The following SGPP1 variants were observed in gnomAD, a reference collection of about 807,000 sequenced individuals.
SGPP1 encodes sphingosine-1-phosphate phosphatase 1.
Under a neutral mutation model 33.0 loss-of-function variants are expected in SGPP1, and 21 were observed. The ratio of observed to expected loss-of-function variants is 0.64; its 90% CI spans 0.45 to 0.92. The LOEUF (loss-of-function observed/expected upper bound fraction) is 0.92. SGPP1 is among the 40% of genes least tolerant of loss of function. SGPP1 has a pLI of 0.00. For missense variants in SGPP1, 543 were observed against 589.4 expected, an observed-to-expected ratio of 0.92 and a Z score of 0.81; for synonymous variants, 239 against 241.2, an observed-to-expected ratio of 0.99 and a Z score of 0.08.
Position 63,727,663 on chromosome 14 carries a change from C to G in SGPP1, c.282G>C (p.Ala94=). 1 of 1,340,766 alleles carries G rather than the reference C, an allele frequency of 7.5e-7. No individual in the cohort carries two copies. Among genetic ancestry groups the G allele is most frequent in the South Asian group, 1.9e-5 (1 of 52,552 alleles). 83.1% of individuals were successfully genotyped at this position (1,340,766 alleles called of 1,614,324 possible). Reference sequence around the variant, plus strand: ...GCGGCGAGGCCGGGCCCAGCTCGGCCGCCAGCCCGTTCCGCACGCCGTTGG... The same window carrying G: ...GCGGCGAGGCCGGGCCCAGCTCGGCGGCCAGCCCGTTCCGCACGCCGTTGG... ...GAPNGVRNGL[A]AELGPASPRR... is the part of the protein sequence containing the mutation. Residue 94 remains alanine, a synonymous_variant, in exon 1 of 3, where the codon GCG becomes GCC. Coordinates refer to ENST00000247225, the MANE Select transcript of SGPP1 (RefSeq NM_030791.4).
rs953264570 is a variant in SGPP1 at position 63,728,048 on chromosome 14, C to G, written c.-104G>C. 7.5e-6 allele frequency: 9 copies of G among 1,195,396 alleles called. No individual in the cohort carries two copies. The highest frequency in any genetic ancestry group is 8.6e-5 in the Admixed American group (2 of 23,268). The allele number at this position is 1,195,396 out of a possible 1,614,324, so 74.0% of individuals were successfully genotyped here. A position where few individuals can be genotyped will look rare whatever the true frequency, so the allele number is the denominator to read the frequency against. On this transcript the variant is annotated 5_prime_UTR_variant, in exon 1 of 3. Coordinates refer to ENST00000247225, the MANE Select transcript of SGPP1 (RefSeq NM_030791.4). ...GGAACCGGCACAGCGCTCTACCCTCCGGAGTCTGCCGGGTGACGGCGCCAC... is the reference window on the plus strand; with the variant it reads ...GGAACCGGCACAGCGCTCTACCCTCGGGAGTCTGCCGGGTGACGGCGCCAC...
intron 1 of SGPP1, among the ~76,000 whole-genome samples, chr14:63,710,456 C>A (rs1566822857): frequency 6.6e-6 from 1 of 151,950 alleles, no homozygotes; most frequent in Admixed American, 6.6e-5. Flanking sequence ...GAACTCCAAA[C>A]ATGTAAATAA....
chr14:63,721,631 T>C (rs1595073707), intron 1 of SGPP1, among the ~76,000 whole-genome samples: 1 of 152,366 alleles, frequency 6.6e-6, no homozygotes, highest in East Asian at 1.9e-4. Flanking sequence ...TGGTCTTTAC[T>C]GTGACCTACT....
chr14:63,727,672 G>A lies in SGPP1; in HGVS notation c.273C>T (p.Asn91=), dbSNP rs747326422. Residue 91 remains asparagine (N), a synonymous_variant, in exon 1 of 3, where the codon AAC becomes AAT. Transcript: ENST00000247225. The part of the protein sequence containing the change: ...DGGGAPNGVR[N]GLAAELGPAS... ...CCGGGCCCAGCTCGGCCGCCAGCCC[G>A]TTCCGCACGCCGTTGGGGGCGCCGC... The A allele has an allele frequency of 2.0e-5, 27 of 1,336,884 alleles. No homozygotes were observed. Among genetic ancestry groups the A allele is most frequent in the East Asian group, 9.3e-5 (3 of 32,218 alleles). 82.8% of individuals were successfully genotyped at this position (1,336,884 alleles called of 1,614,324 possible). A position where few individuals can be genotyped will look rare whatever the true frequency, so the allele number is the denominator to read the frequency against.
chr14:63,720,711 G>A (rs1018756833), intron 1 of SGPP1, among the ~76,000 whole-genome samples: 9 of 152,128 alleles, frequency 5.9e-5, no homozygotes, highest in Admixed American at 5.9e-4. Context: ...GGTGAGCCAA[G>A]GTCGCACCAT....
intron 2 of SGPP1, among the ~76,000 whole-genome samples, chr14:63,693,297 T>G (rs1391188416): frequency 6.6e-6 from 1 of 152,234 alleles, no homozygotes; most frequent in Admixed American, 6.5e-5. Flanking sequence ...ACATTCCCTT[T>G]GTTTGCTATC....
At chr14:63,689,045 T>C (rs1885041799) in intron 2 of SGPP1, among the ~76,000 whole-genome samples, 1 of 152,206 alleles carries the variant, frequency 6.6e-6, no homozygotes, top group African/African-American at 2.4e-5. Flanking sequence ...CAATATTCAA[T>C]ACAGTTAAGC....
At chr14:63,725,337 G>A (rs569013686) in intron 1 of SGPP1, among the ~76,000 whole-genome samples, 1 of 152,336 alleles carries the variant, frequency 6.6e-6, no homozygotes, top group South Asian at 2.1e-4. Context: ...CTGCACCACT[G>A]CACTCCAGCC....
intron 1 of SGPP1, among the ~76,000 whole-genome samples, chr14:63,718,795 TG>T (rs1394860807): frequency 1.3e-5 from 2 of 149,632 alleles, no homozygotes; most frequent in African/African-American, 4.9e-5. Context: ...ATAATCTAAG[TG>T]AAAAAAAATA....
intron 2 of SGPP1, among the ~76,000 whole-genome samples, chr14:63,695,093 G>C (rs1885160563): frequency 6.6e-6 from 1 of 151,890 alleles, no homozygotes; most frequent in African/African-American, 2.4e-5. Context: ...GTCTCGCTCT[G>C]TCGCCCAGGC....
intron 1 of SGPP1, among the ~76,000 whole-genome samples, chr14:63,708,956 G>A (rs1885470992): frequency 6.6e-6 from 1 of 152,158 alleles, no homozygotes. Flanking sequence ...GTTGTTCAAA[G>A]TGTGTTGTTT....
intron 1 of SGPP1, among the ~76,000 whole-genome samples, chr14:63,717,170 A>G (rs979392490): frequency 1.5e-4 from 23 of 152,074 alleles, no homozygotes; most frequent in African/African-American, 5.1e-4. Context: ...GAGATTGCAA[A>G]AGAACAGGTA....
intron 1 of SGPP1, among the ~76,000 whole-genome samples, chr14:63,704,354 C>T (rs2139641266): frequency 6.6e-6 from 1 of 152,272 alleles, no homozygotes; most frequent in South Asian, 2.1e-4. Context: ...GGGCCCCAAA[C>T]TAAACCCATA....
At position 63,718,815 on chromosome 14, in the gene SGPP1, G is replaced by A. The variant is rs191316987; in HGVS notation, c.684+8446C>T. ...CTAAGTGAAAAAAAATAAAAGAAAT[G>A]CTTTGAATAGACAGCTCACAGAAAA... On this transcript the variant is annotated intron_variant, in intron 1 of 2. Transcript: ENST00000247225. Among the ~76,000 whole-genome samples the A allele has an allele frequency of 7.4e-3, 1,118 of 150,100 alleles. 16 individuals carry two copies. Among genetic ancestry groups the A allele is most frequent in the South Asian group, 0.031 (147 of 4,754 alleles).
intron 2 of SGPP1, among the ~76,000 whole-genome samples, chr14:63,693,975 G>A (rs539377445): frequency 5.9e-5 from 9 of 152,034 alleles, no homozygotes; most frequent in Non-Finnish European, 1.3e-4. Context: ...TTCTTTTATA[G>A]TACCTTAAAA....
chr14:63,698,803 A>C (rs1885240670), intron 1 of SGPP1, 145 bp from the exon 2 acceptor site: 2 of 442,074 alleles, frequency 4.5e-6, no homozygotes, highest in African/African-American at 4.1e-5. Flanking sequence ...CCAGCACCTA[A>C]CCCTGAGTAT....
chr14:63,726,976 A>C (rs2139658977), intron 1 of SGPP1, among the ~76,000 whole-genome samples: 1 of 152,328 alleles, frequency 6.6e-6, no homozygotes, highest in African/African-American at 2.4e-5. Flanking sequence ...AAACTCAACC[A>C]AAGCCCAATG....
At chr14:63,714,961 G>A (rs1885589629) in intron 1 of SGPP1, among the ~76,000 whole-genome samples, 1 of 151,122 alleles carries the variant, frequency 6.6e-6, no homozygotes, top group African/African-American at 2.4e-5. Flanking sequence ...GAGCTGAAGA[G>A]ATCCTCCTGC....
At chr14:63,719,407 C>A (rs1381938387) in intron 1 of SGPP1, among the ~76,000 whole-genome samples, 1 of 151,888 alleles carries the variant, frequency 6.6e-6, no homozygotes, top group Non-Finnish European at 1.5e-5. Flanking sequence ...ACCAGATACT[C>A]TCATACATTT....
Sources: gnomAD v4.1 joint callset for allele counts (sites outside exome capture counted in the v4.1 genomes callset) on GRCh38, gnomAD v4.1.1 for gene constraint, MANE v1.5 for transcripts, NCBI Gene and HGNC (gene_info 2026-07-23, HGNC 2026-07-21) for gene names.